Variants in CEP250 observed in about 807,000 individuals in gnomAD.
CEP250 encodes the protein centrosome-associated protein CEP250.
CEP250 carries 242 observed loss-of-function variants against 315.7 expected under a neutral mutation model. The observed-to-expected ratio is 0.77, with a 90% confidence interval of 0.69 to 0.85. The LOEUF (loss-of-function observed/expected upper bound fraction) is 0.85, where lower values mean the gene tolerates loss of function less well. Ranked by LOEUF, CEP250 falls within the 40% of genes least tolerant of loss-of-function variation. CEP250 has a pLI of 0.00. For missense variants in CEP250, 2,515 were observed against 2,886.4 expected (o/e 0.87, Z 2.95); for synonymous variants, 1,088 against 1,175.0 (o/e 0.93, Z 1.51).
intron 22 of CEP250, 140 bp downstream of exon 22, chr20:35,491,486 A>G (rs746398639): frequency 1.0e-6 from 1 of 954,408 alleles, no homozygotes; most frequent in Non-Finnish European, 1.6e-6. Context: ...GGTATGGCAC[A>G]GGCTGGGCAG....
Position 35,497,890 on chromosome 20 carries a change from G to T in CEP250, c.3478G>T (p.Glu1160Ter). 1 of 1,606,236 alleles carries T rather than the reference G, an allele frequency of 6.2e-7. No homozygotes were observed. Among genetic ancestry groups the T allele is most frequent in the South Asian group, 1.1e-5 (1 of 89,800 alleles). The change falls in exon 26 of 35, where the codon GAG becomes TAG. Residue 1160 changes from glutamate to a stop codon, truncating the protein, a stop_gained. Coordinates refer to ENST00000397527, the MANE Select transcript of CEP250 (RefSeq NM_007186.6). LOFTEE classifies it high-confidence loss of function. ...ACTACAGCTGCGACTGCGCAGCACA[G>T]AGAGCCAGCTAGAAGCGCTGGCCGC... Reference protein sequence around the residue: ...AQLQLRLRSTESQLEALAAEQ... With the variant: ...AQLQLRLRST
At chr20:35,488,453 T>C (rs947483951) in intron 20 of CEP250, among the ~76,000 whole-genome samples, 1 of 152,134 alleles carries the variant, frequency 6.6e-6, no homozygotes, top group Non-Finnish European at 1.5e-5. Flanking sequence ...TTTTTCTTTT[T>C]ATTATTATTA....
chr20:35,490,612 A>C (rs1403399064), intron 20 of CEP250, 25 bp from the exon 21 acceptor site: 1 of 1,606,164 alleles, frequency 6.2e-7, no homozygotes, highest in Admixed American at 1.7e-5. Context: ...ATTTGGTTCT[A>C]ATGGTGTTTC....
intron 17 of CEP250, among the ~76,000 whole-genome samples, chr20:35,478,513 C>T (rs1353784508): frequency 1.3e-5 from 2 of 152,216 alleles, no homozygotes; most frequent in African/African-American, 2.4e-5. Flanking sequence ...TGCAGTGAGC[C>T]GAGATTGCGC....
In CEP250 at chr20:35,503,192, G is replaced by A. The variant is rs1457214438; in HGVS notation, c.4823G>A (p.Ser1608Asn). The change falls in exon 30 of 35, where the codon AGC becomes AAC. Residue 1608 changes from serine (S) to asparagine (N), a missense_variant. Ser to Asn is a conservative substitution (Grantham distance 46, BLOSUM62 1). Coordinates refer to ENST00000397527, the MANE Select transcript of CEP250 (RefSeq NM_007186.6). This position sits in a 1 kb window ranked among gnomAD's most constrained non-coding sequence, Gnocchi z 4.2. ...EERSQELQAQ[S>N]SQIHDLESHS... is the part of the protein sequence containing the mutation. ...AGGAGCCAGGAGCTGCAGGCACAAA[G>A]CAGCCAGATCCATGACCTGGAGAGC... The A allele has an allele frequency of 6.2e-7, 1 of 1,614,098 alleles. No individual in the cohort carries two copies.
chr20:35,470,071 G>A (rs75980816), intron 10 of CEP250, 85 bp downstream of exon 10: 1 of 845,302 alleles, frequency 1.2e-6, no homozygotes, highest in African/African-American at 1.7e-5. Flanking sequence ...CAGGATACCA[G>A]TTACATATTC....
chr20:35,504,754 C>T lies in CEP250; in HGVS notation c.6385C>T (p.His2129Tyr). The T allele has an allele frequency of 6.2e-7, 1 of 1,614,186 alleles. No individual in the cohort carries two copies. Among genetic ancestry groups the T allele is most frequent in the Non-Finnish European group, 8.5e-7 (1 of 1,180,026 alleles). Reference protein sequence around the residue: ...RNNLEALPHSHKTSPMEEQSL... With the variant: ...RNNLEALPHSYKTSPMEEQSL... ...CAACCTGGAAGCCTTACCCCACAGC[C>T]ACAAAACCTCCCCAATGGAGGAACA... Residue 2129 changes from histidine to tyrosine, a missense_variant, in exon 30 of 35, where the codon CAC (histidine) becomes TAC (tyrosine). By Grantham distance (83) the His-to-Tyr change is moderately conservative. Coordinates refer to ENST00000397527, the MANE Select transcript of CEP250 (RefSeq NM_007186.6).
chr20:35,471,854 T>C (rs1240018412), intron 10 of CEP250, among the ~76,000 whole-genome samples, 196 bp from the exon 11 acceptor site: 1 of 152,236 alleles, frequency 6.6e-6, no homozygotes, highest in Non-Finnish European at 1.5e-5. Context: ...GAACTCGTAA[T>C]CACTTAATCT....
rs1277504022 is a variant in CEP250 at position 35,462,377 on chromosome 20, A to G, written c.10A>G (p.Arg4Gly). MET[R>G]SPGLNNMKPQ... is the part of the protein sequence containing the mutation. ...ACCACCTGGTGCCCTCATGGAGACA[A>G]GAAGCCCTGGGTTGAACAACATGAA... Residue 4 changes from arginine to glycine, a missense_variant, in exon 4 of 35, where the codon AGA (arginine) becomes GGA (glycine). Arg to Gly is a moderately radical substitution (Grantham distance 125). Transcript: ENST00000397527. 1.9e-6 allele frequency: 3 copies of G among 1,585,970 alleles called. No individual in the cohort carries two copies. The highest frequency in any genetic ancestry group is 2.3e-5 in the South Asian group (2 of 87,304).
At chr20:35,490,438 C>T (rs2063653467) in intron 20 of CEP250, among the ~76,000 whole-genome samples, 199 bp from the exon 21 acceptor site, 2 of 152,132 alleles carry the variant, frequency 1.3e-5, no homozygotes, top group Admixed American at 6.5e-5. Context: ...AAATGAATCT[C>T]ATTTGGTTGT....
chr20:35,488,274 T>C (rs1403334933), intron 20 of CEP250, among the ~76,000 whole-genome samples: 9 of 152,206 alleles, frequency 5.9e-5, no homozygotes, highest in Non-Finnish European at 4.4e-5. Flanking sequence ...TTTTCATATT[T>C]TTACAGTTGG....
intron 30 of CEP250, among the ~76,000 whole-genome samples, chr20:35,507,211 G>C (rs1225156417): frequency 6.6e-6 from 1 of 152,140 alleles, no homozygotes; most frequent in Non-Finnish European, 1.5e-5. Flanking sequence ...TGAACCACAG[G>C]GCACCTAGAA....
chr20:35,481,624 T>TC (rs1335485035), intron 20 of CEP250, among the ~76,000 whole-genome samples: 4 of 152,026 alleles, frequency 2.6e-5, no homozygotes, highest in Non-Finnish European at 4.4e-5. Flanking sequence ...TCAGATTTTT[T>TC]TTTTTTTTTT....
rs115892599 is a variant in CEP250 at position 35,479,345 on chromosome 20, G to A, written c.2209G>A (p.Glu737Lys). 15 of 1,614,200 alleles carry A rather than the reference G, an allele frequency of 9.3e-6. No homozygotes were observed. In the African/African-American group the frequency reaches 1.7e-4, roughly 19 times the overall value. ...AVQEKEALVR[E>K]KAALEVRLQA... ...CCAGGAGAAGGAGGCCCTAGTACGA[G>A]AGAAAGCGGCTCTAGAGGTGCGGCT... Residue 737 changes from glutamate (E) to lysine (K), a missense_variant, in exon 18 of 35, where the codon GAG (glutamate) becomes AAG (lysine). Transcript: ENST00000397527.
At chr20:35,463,509 G>A in intron 4 of CEP250, 66 bp from the exon 5 acceptor site, 1 of 1,436,794 alleles carries the variant, frequency 7.0e-7, no homozygotes, top group Non-Finnish European at 9.4e-7. Context: ...GATCCTCAGG[G>A]GCCTTTGCTT....
intron 30 of CEP250, among the ~76,000 whole-genome samples, chr20:35,507,373 G>A (rs2064216071): frequency 1.3e-5 from 2 of 152,122 alleles, no homozygotes; most frequent in African/African-American, 2.4e-5. Context: ...GCCACTGAGT[G>A]GCTATATGGG....
intron 20 of CEP250, among the ~76,000 whole-genome samples, chr20:35,483,947 T>C (rs2063431413): frequency 6.6e-6 from 1 of 152,170 alleles, no homozygotes; most frequent in South Asian, 2.1e-4. Flanking sequence ...TTTTTTCATA[T>C]CTTCTTGGTC....
At chr20:35,469,538 G>A (rs2062972582) in intron 9 of CEP250, among the ~76,000 whole-genome samples, 1 of 152,190 alleles carries the variant, frequency 6.6e-6, no homozygotes, top group Admixed American at 6.5e-5. Context: ...TATCCCAAGT[G>A]CAATTCTGAT....
Position 35,516,996 on chromosome 20 carries a change from C to T in CEP250, c.*5370C>T. On this transcript the variant is annotated 3_prime_UTR_variant, in exon 35 of 35. Coordinates refer to ENST00000397527, the MANE Select transcript of CEP250 (RefSeq NM_007186.6). The stretch of plus-strand genomic sequence containing the variant: ...TTGTCCCACAGGGCAGAGCACATGG[C>T]AAGTGGCATGCTGACTCAGACACCG... The T allele has an allele frequency of 3.0e-6, 3 of 985,548 alleles. No individual in the cohort carries two copies. Among genetic ancestry groups the T allele is most frequent in the Non-Finnish European group, 2.4e-6 (2 of 829,996 alleles). The allele number at this position is 985,548 out of a possible 1,614,324, so 61.1% of individuals were successfully genotyped here. A position where few individuals can be genotyped will look rare whatever the true frequency, so the allele number is the denominator to read the frequency against.
Sources: allele counts gnomAD v4.1 joint callset (sites outside exome capture counted in the v4.1 genomes callset), GRCh38; gene constraint gnomAD v4.1.1; non-coding constraint Gnocchi (gnomAD v3.1); transcripts MANE v1.5; gene names NCBI Gene and HGNC (gene_info 2026-07-23, HGNC 2026-07-21).